DGKB: variants seen among roughly 807,000 people sequenced by gnomAD.
DGKB encodes the protein diacylglycerol kinase beta.
Under a neutral mutation model 114.3 loss-of-function variants are expected in DGKB, and 67 were observed. The observed-to-expected ratio is 0.59, with a 90% CI of 0.48 to 0.72. The LOEUF (loss-of-function observed/expected upper bound fraction) is 0.72, where lower values mean the gene tolerates loss of function less well. Among genes scored for constraint, DGKB ranks in the 30% least tolerant of loss-of-function variants. DGKB has a pLI of 0.00. For synonymous variants in DGKB, 398 were observed against 323.1 expected, an observed-to-expected ratio of 1.23 and a Z score of -2.49; for missense variants, 907 against 975.2, an observed-to-expected ratio of 0.93 and a Z score of 0.93.
At chr7:14,216,118 G>A (rs950981736) in intron 23 of DGKB, among the ~76,000 whole-genome samples, 11 of 152,160 alleles carry the variant, frequency 7.2e-5, no homozygotes, top group Middle Eastern at 6.8e-3. Flanking sequence ...GAAGATATAC[G>A]ATTGTAAAAT....
chr7:14,269,659 G>C (rs767167590), intron 23 of DGKB, among the ~76,000 whole-genome samples: 20 of 152,178 alleles, frequency 1.3e-4, no homozygotes, highest in Non-Finnish European at 2.9e-4. Flanking sequence ...ACGATAGCTA[G>C]ATCAGGAGAA....
At chr7:14,840,471 T>C (rs76264970) in intron 2 of DGKB, among the ~76,000 whole-genome samples, 1 of 152,076 alleles carries the variant, frequency 6.6e-6, no homozygotes, top group African/African-American at 2.4e-5. Flanking sequence ...AAATCTAGAA[T>C]AAAAACAAAT....
At chr7:14,734,430 G>C (rs1007723895) in intron 5 of DGKB, among the ~76,000 whole-genome samples, 5 of 152,076 alleles carry the variant, frequency 3.3e-5, no homozygotes, top group African/African-American at 1.2e-4. Context: ...GCTCCTTGCA[G>C]GAGATTTTTA....
At chr7:14,670,207 C>T (rs1362338241) in intron 13 of DGKB, among the ~76,000 whole-genome samples, 7 of 151,606 alleles carry the variant, frequency 4.6e-5, no homozygotes, top group Non-Finnish European at 1.0e-4. Flanking sequence ...TATAGTTACC[C>T]TTGTGTGTGT....
intron 2 of DGKB, among the ~76,000 whole-genome samples, chr7:14,795,487 G>A (rs551631385): frequency 3.9e-5 from 6 of 152,296 alleles, no homozygotes; most frequent in Non-Finnish European, 7.4e-5. Flanking sequence ...GGAGAGTCCA[G>A]AAGGCATACC....
intron 23 of DGKB, among the ~76,000 whole-genome samples, chr7:14,257,626 G>A (rs1225661888): frequency 6.6e-6 from 1 of 152,136 alleles, no homozygotes; most frequent in Non-Finnish European, 1.5e-5. Context: ...TTGCTTGGCA[G>A]TTCTCTTTCC....
At chr7:14,696,629 G>C (rs750769923) in intron 8 of DGKB, among the ~76,000 whole-genome samples, 12 of 151,726 alleles carry the variant, frequency 7.9e-5, no homozygotes, top group Non-Finnish European at 1.5e-5. Context: ...GTAGAAAGGT[G>C]AGTAGGAGAG....
intron 23 of DGKB, among the ~76,000 whole-genome samples, chr7:14,288,497 C>T (rs1801249029): frequency 6.6e-6 from 1 of 152,034 alleles, no homozygotes; most frequent in African/African-American, 2.4e-5. Flanking sequence ...CAATTGCTGT[C>T]ATTTACTTCT....
intron 13 of DGKB, among the ~76,000 whole-genome samples, chr7:14,637,788 T>A (rs1189843017): frequency 6.6e-6 from 1 of 151,910 alleles, no homozygotes; most frequent in Non-Finnish European, 1.5e-5. Flanking sequence ...ATTCTTAACC[T>A]AAAATTTTTT....
chr7:14,851,995 A>C (rs556060961), intron 1 of DGKB, among the ~76,000 whole-genome samples: 1 of 152,204 alleles, frequency 6.6e-6, no homozygotes, highest in Non-Finnish European at 1.5e-5. Flanking sequence ...AGCCAATTCT[A>C]CTATGCCCAT....
intron 23 of DGKB, among the ~76,000 whole-genome samples, chr7:14,187,444 T>C (rs532564848): frequency 6.6e-6 from 1 of 152,344 alleles, no homozygotes; most frequent in Middle Eastern, 3.4e-3. Flanking sequence ...ATTGCTCTCA[T>C]GCTTGGTCCA....
chr7:14,537,794 G>A (rs1163118234), intron 20 of DGKB, among the ~76,000 whole-genome samples: 2 of 152,118 alleles, frequency 1.3e-5, no homozygotes, highest in South Asian at 2.1e-4. Context: ...AAATACGTGG[G>A]ACTGGGCTGG....
chr7:14,887,644 A>G (rs1274576679), intron 1 of DGKB, among the ~76,000 whole-genome samples: 1 of 151,788 alleles, frequency 6.6e-6, no homozygotes, highest in Admixed American at 6.6e-5. Flanking sequence ...AATGGAACAC[A>G]TTTTAAAAAT....
At chr7:14,891,010 C>CAAGAA in intron 1 of DGKB, among the ~76,000 whole-genome samples, 1 of 151,240 alleles carries the variant, frequency 6.6e-6, no homozygotes, top group African/African-American at 2.4e-5. Context: ...ATCTCCAGAA[C>CAAGAA]AAGAAAATAT....
intron 21 of DGKB, among the ~76,000 whole-genome samples, chr7:14,381,040 G>T (rs1033167845): frequency 2.0e-5 from 3 of 152,192 alleles, no homozygotes; most frequent in South Asian, 2.1e-4. Flanking sequence ...TGGAAGGAAG[G>T]CTCCTCACAG....
intron 21 of DGKB, among the ~76,000 whole-genome samples, chr7:14,463,731 G>A (rs928837603): frequency 6.6e-6 from 1 of 152,148 alleles, no homozygotes; most frequent in African/African-American, 2.4e-5. Context: ...ACTAGAGCAA[G>A]TTATACTTCT....
At chr7:14,490,906 G>C (rs1784502279) in intron 20 of DGKB, among the ~76,000 whole-genome samples, 1 of 151,412 alleles carries the variant, frequency 6.6e-6, no homozygotes, top group Non-Finnish European at 1.5e-5. Context: ...ATTTCCAAAG[G>C]ATTTTCTGGT....
At chr7:14,528,284 ACTGC>A (rs1790972404) in intron 20 of DGKB, among the ~76,000 whole-genome samples, 2 of 152,078 alleles carry the variant, frequency 1.3e-5, no homozygotes, top group African/African-American at 4.8e-5. Flanking sequence ...CCTGATGCAG[ACTGC>A]AGTGACCTTT....
intron 23 of DGKB, among the ~76,000 whole-genome samples, chr7:14,278,991 T>C (rs934428810): frequency 6.6e-6 from 1 of 151,662 alleles, no homozygotes; most frequent in Non-Finnish European, 1.5e-5. Flanking sequence ...CACTAGGGAG[T>C]GCCAGACAGT....
Sources: gnomAD v4.1 joint callset for allele counts (sites outside exome capture counted in the v4.1 genomes callset) on GRCh38, gnomAD v4.1.1 for gene constraint, MANE v1.5 for transcripts, NCBI Gene and HGNC (gene_info 2026-07-23, HGNC 2026-07-21) for gene names.